The following SFXN2 variants were observed in gnomAD, a reference collection of about 807,000 sequenced individuals.
SFXN2 encodes sideroflexin-2.
SFXN2 carries 37 observed loss-of-function variants against 41.9 expected under a neutral mutation model. That is an observed-to-expected ratio of 0.88 (90% CI 0.68 to 1.16). SFXN2 has a LOEUF of 1.16. SFXN2 is among the 50% of genes most tolerant of loss of function. SFXN2 has a pLI of 0.00. For missense variants in SFXN2, 386 were observed against 425.2 expected, an observed-to-expected ratio of 0.91 and a Z score of 0.81; for synonymous variants, 150 against 156.7, an observed-to-expected ratio of 0.96 and a Z score of 0.32.
intron 10 of SFXN2, 35 bp from the exon 11 acceptor site, chr10:102,735,827 T>C: frequency 6.2e-7 from 1 of 1,612,230 alleles, no homozygotes; most frequent in Non-Finnish European, 8.5e-7. Context: ...TGTGGGGAGA[T>C]GTCCCCTGAT....
intron 6 of SFXN2, among the ~76,000 whole-genome samples, chr10:102,731,310 T>C (rs1659584790): frequency 1.3e-5 from 2 of 151,446 alleles, no homozygotes; most frequent in African/African-American, 2.4e-5. Context: ...TAGCTACTGT[T>C]TGTGGAGTGA....
chr10:102,723,938 T>G (rs138395545), intron 1 of SFXN2, among the ~76,000 whole-genome samples: 61 of 152,344 alleles, frequency 4.0e-4, no homozygotes, highest in Middle Eastern at 3.4e-3. Flanking sequence ...CTACTAAGTT[T>G]AGTACCCATT....
rs547957365 is a variant in SFXN2 at position 102,742,849 on chromosome 10, G to A, written c.*5087G>A. 2 of 152,276 alleles carry A rather than the reference G, an allele frequency of 1.3e-5. No homozygotes were observed. The highest frequency in any genetic ancestry group is 3.9e-4 in the East Asian group (2 of 5,182). The allele number at this position is 152,276 out of a possible 1,614,324, so 9.4% of individuals were successfully genotyped here. The stretch of plus-strand genomic sequence containing the variant: ...TTTAAAAGAAGAAGAAGAAAGACCT[G>A]GTATGCTGTACAAAAAACTGCAAAC... On this transcript the variant is annotated 3_prime_UTR_variant, in exon 12 of 12. Transcript: ENST00000369893.
intron 1 of SFXN2, among the ~76,000 whole-genome samples, chr10:102,720,055 C>A (rs1158115491): frequency 6.6e-6 from 1 of 151,896 alleles, no homozygotes; most frequent in African/African-American, 2.4e-5. Flanking sequence ...TTGGGGAGGC[C>A]GACGCGGGTA....
intron 1 of SFXN2, among the ~76,000 whole-genome samples, chr10:102,724,342 T>G (rs1301612690): frequency 1.3e-5 from 2 of 152,220 alleles, no homozygotes; most frequent in Non-Finnish European, 2.9e-5. Context: ...TACTGATGAG[T>G]CCATCCAAGA....
chr10:102,728,114 T>C (rs2265309), intron 3 of SFXN2, among the ~76,000 whole-genome samples: 75,866 of 151,640 alleles, frequency 0.5, 19,052 homozygotes, highest in Middle Eastern at 0.55. Context: ...GCCTGACCAA[T>C]ATGGTGAAAC....
At position 102,728,417 on chromosome 10, in the gene SFXN2, T is replaced by C. The variant is rs1440541045; in HGVS notation, c.333-14T>C. 1 of 1,613,416 alleles carries C rather than the reference T, an allele frequency of 6.2e-7. No individual in the cohort carries two copies. The highest frequency in any genetic ancestry group is 2.2e-5 in the East Asian group (1 of 44,884). On this transcript the variant is annotated splice_polypyrimidine_tract_variant and intron_variant, in intron 3 of 11. Coordinates refer to ENST00000369893, the MANE Select transcript of SFXN2 (RefSeq NM_178858.6). ...TGACTTCTCTCTGCCTCTCCTGGCCTTCCTCACTGGTAGGACGATGCCGGC... is the reference window on the plus strand; with the variant it reads ...TGACTTCTCTCTGCCTCTCCTGGCCCTCCTCACTGGTAGGACGATGCCGGC...
rs748439642 is a variant in SFXN2, at chr10:102,737,755, G to A, written c.962G>A (p.Gly321Asp). The A allele has an allele frequency of 3.7e-6, 6 of 1,607,288 alleles. No individual in the cohort carries two copies. The highest frequency in any genetic ancestry group is 2.2e-5 in the East Asian group (1 of 44,702). The change falls in exon 12 of 12, where the codon GGT (glycine) becomes GAT (aspartate). Residue 321 changes from glycine (G) to aspartate (D), a missense_variant. Coordinates refer to ENST00000369893, the MANE Select transcript of SFXN2 (RefSeq NM_178858.6). ...GAGCCTTATGTCTACTTCAATAAGGGTCTCTAAATGCCCCACTTCAGCAAG... is the reference window on the plus strand; with the variant it reads ...GAGCCTTATGTCTACTTCAATAAGGATCTCTAAATGCCCCACTTCAGCAAG... The part of the protein sequence containing the change: ...ELEPYVYFNK[G>D]L
intron 7 of SFXN2, 100 bp downstream of exon 7, chr10:102,731,883 G>A (rs1197969643): frequency 4.7e-6 from 5 of 1,068,324 alleles, no homozygotes; most frequent in Admixed American, 2.2e-5. Context: ...GGATTGAGAA[G>A]CCTTTTCTGG....
intron 4 of SFXN2, 111 bp from the exon 5 acceptor site, chr10:102,729,208 C>T (rs1274983333): frequency 2.1e-5 from 20 of 934,048 alleles, no homozygotes; most frequent in Non-Finnish European, 3.4e-5. Flanking sequence ...GGGACAGATC[C>T]TGTGCGGTTT....
intron 10 of SFXN2, 52 bp downstream of exon 10, chr10:102,733,655 A>ACGACACATCT: frequency 1.3e-6 from 2 of 1,481,712 alleles, no homozygotes; most frequent in Non-Finnish European, 1.9e-6. Context: ...AGCACTCAAG[A>ACGACACATCT]TGTGTCGTCT....
At chr10:102,730,108 TAAA>T (rs1244794960) in intron 6 of SFXN2, among the ~76,000 whole-genome samples, 4 of 152,164 alleles carry the variant, frequency 2.6e-5, no homozygotes, top group Admixed American at 6.5e-5. Flanking sequence ...GGACCTGTGT[TAAA>T]ATTGTGAACT....
At chr10:102,725,485 G>T (rs1259835127) in intron 1 of SFXN2, among the ~76,000 whole-genome samples, 1 of 152,194 alleles carries the variant, frequency 6.6e-6, no homozygotes, top group African/African-American at 2.4e-5. Context: ...TACTTGGGAG[G>T]CTGAGGTTGG....
At chr10:102,720,291 CAAAAAAAAAAAAAAAA>C (rs56006729) in intron 1 of SFXN2, among the ~76,000 whole-genome samples, 1 of 48,788 alleles carries the variant, frequency 2.0e-5, no homozygotes, top group African/African-American at 1.0e-4. Flanking sequence ...GACTCCCTCT[CAAAAAAAAAAAAAAAA>C]AAAAAAAAAA....
chr10:102,723,652 A>C (rs1015298506), intron 1 of SFXN2, among the ~76,000 whole-genome samples: 1 of 152,198 alleles, frequency 6.6e-6, no homozygotes, highest in Non-Finnish European at 1.5e-5. Flanking sequence ...TAACAGAATC[A>C]GATGGTATGC....
chr10:102,732,676 G>A (rs2064721308), intron 8 of SFXN2, among the ~76,000 whole-genome samples, 183 bp from the exon 9 acceptor site: 2 of 152,180 alleles, frequency 1.3e-5, no homozygotes, highest in Admixed American at 1.3e-4. Flanking sequence ...GTTCTGCCAG[G>A]ACTTTGGGGA....
In SFXN2 at chr10:102,726,767, A is replaced by G; in HGVS notation, c.131A>G (p.Asp44Gly). The G allele has an allele frequency of 6.2e-7, 1 of 1,614,138 alleles. No individual in the cohort carries two copies. Among genetic ancestry groups the G allele is most frequent in the South Asian group, 1.1e-5 (1 of 91,076 alleles). Residue 44 changes from aspartate to glycine, a missense_variant, in exon 2 of 12, where the codon GAC becomes GGC. Transcript: ENST00000369893. ...GTCTTTGTATCTGAGCGGGAGCTGG[A>G]CTGGGCCAAGGTGATGGTGGAGAAG... Reference protein sequence around the residue: ...RTVFVSERELDWAKVMVEKSR... With the variant: ...RTVFVSERELGWAKVMVEKSR...
intron 1 of SFXN2, chr10:102,716,337 C>T (rs2248418): frequency 1 from 151,733 of 152,004 alleles, 75,732 homozygotes; most frequent in East Asian, 1. Flanking sequence ...GATGTGAGTA[C>T]CAGCGATGAT....
At chr10:102,718,106 G>A (rs2064445105) in intron 1 of SFXN2, among the ~76,000 whole-genome samples, 1 of 152,224 alleles carries the variant, frequency 6.6e-6, no homozygotes, top group African/African-American at 2.4e-5. Context: ...TTGGCTTTAT[G>A]TTTTATTTAA....
Sources: allele counts gnomAD v4.1 joint callset (sites outside exome capture counted in the v4.1 genomes callset), GRCh38; gene constraint gnomAD v4.1.1; transcripts MANE v1.5; gene names NCBI Gene and HGNC (gene_info 2026-07-23, HGNC 2026-07-21).